The following DIAPH3 variants were observed in gnomAD, a reference collection of about 807,000 sequenced individuals.
DIAPH3 encodes diaphanous related formin 3.
A neutral mutation model predicts 144.3 loss-of-function variants in DIAPH3; 117 were observed. That is an observed-to-expected ratio of 0.81 (90% CI 0.70 to 0.95). The LOEUF is 0.95. Among genes scored for constraint, DIAPH3 ranks in the 40% least tolerant of loss-of-function variants. The pLI, the probability that DIAPH3 is intolerant of heterozygous loss-of-function variation, is 0.00. For synonymous variants in DIAPH3, 519 were observed against 488.9 expected (o/e 1.06, Z -0.81); for missense variants, 1,421 against 1,412.7 (o/e 1.01, Z -0.09).
chr13:60,119,719 C>T (rs1339920075), intron 2 of DIAPH3, among the ~76,000 whole-genome samples: 1 of 134,472 alleles, frequency 7.4e-6, no homozygotes, highest in Non-Finnish European at 1.5e-5. Context: ...TGCACTCCAG[C>T]CTGGGCGACA....
intron 4 of DIAPH3, among the ~76,000 whole-genome samples, chr13:60,082,378 T>A (rs575095230): frequency 6.8e-6 from 1 of 146,034 alleles, no homozygotes; most frequent in African/African-American, 2.5e-5. Context: ...AGCAAAAAAT[T>A]AGAACACATC....
intron 4 of DIAPH3, chr13:60,044,116 G>GTATCTATATACCTTCTA (rs1235232585): frequency 6.6e-6 from 1 of 152,138 alleles, no homozygotes; most frequent in Non-Finnish European, 1.5e-5. Context: ...TGTTGAGAAG[G>GTATCTATATACCTTCTA]TATCTATATA....
intron 27 of DIAPH3, among the ~76,000 whole-genome samples, chr13:59,715,419 C>T (rs2034996322): frequency 6.6e-6 from 1 of 152,154 alleles, no homozygotes; most frequent in Non-Finnish European, 1.5e-5. Flanking sequence ...AAAGAGATGA[C>T]TAGAAGGCAT....
intron 3 of DIAPH3, among the ~76,000 whole-genome samples, chr13:60,100,656 C>A (rs748307736): frequency 2.6e-5 from 4 of 151,688 alleles, no homozygotes; most frequent in Admixed American, 6.6e-5. Context: ...TTTTGCAATT[C>A]TTCTATAAGT....
chr13:60,073,960 G>T (rs1479253454), intron 4 of DIAPH3, among the ~76,000 whole-genome samples: 1 of 152,128 alleles, frequency 6.6e-6, no homozygotes, highest in African/African-American at 2.4e-5. Context: ...AGACAAAAAT[G>T]GTGTTCTCTG....
At chr13:59,813,932 T>C (rs569313304) in intron 24 of DIAPH3, among the ~76,000 whole-genome samples, 5 of 151,718 alleles carry the variant, frequency 3.3e-5, no homozygotes, top group African/African-American at 1.2e-4. Context: ...CAAGTGAGTA[T>C]ATCTGTATGT....
intron 27 of DIAPH3, among the ~76,000 whole-genome samples, chr13:59,764,757 GGA>G (rs1414787067): frequency 1.3e-5 from 2 of 151,870 alleles, no homozygotes; most frequent in African/African-American, 4.8e-5. Context: ...ACTAGAGCTA[GGA>G]GAGAGGCATG....
intron 14 of DIAPH3, 123 bp downstream of exon 14, chr13:59,980,672 A>C: frequency 2.3e-6 from 2 of 857,820 alleles, no homozygotes; most frequent in Non-Finnish European, 3.8e-6. Flanking sequence ...GGTGGAGGGC[A>C]TCTATGCACA....
chr13:60,139,034 C>G (rs927805156), intron 1 of DIAPH3, among the ~76,000 whole-genome samples: 53 of 152,240 alleles, frequency 3.5e-4, no homozygotes, highest in African/African-American at 1.3e-3. Context: ...TTTATCTTAA[C>G]GTCAACACCA....
chr13:60,034,350 T>G (rs906713885), intron 5 of DIAPH3: 15 of 151,558 alleles, frequency 9.9e-5, no homozygotes, highest in Non-Finnish European at 2.2e-4. Context: ...GTTTAATGAG[T>G]TTTTTTTTCC....
intron 15 of DIAPH3, among the ~76,000 whole-genome samples, chr13:59,971,796 T>C (rs541524583): frequency 6.6e-6 from 1 of 152,306 alleles, no homozygotes; most frequent in African/African-American, 2.4e-5. Flanking sequence ...TAATTCTGTG[T>C]ATGTGCCAAC....
chr13:60,026,160 C>T (rs543862784), intron 5 of DIAPH3, among the ~76,000 whole-genome samples: 1 of 152,210 alleles, frequency 6.6e-6, no homozygotes, highest in South Asian at 2.1e-4. Context: ...TATACATCCC[C>T]ACACACTGCT....
chr13:59,986,824 A>G (rs1261546242), intron 12 of DIAPH3, among the ~76,000 whole-genome samples: 2 of 150,536 alleles, frequency 1.3e-5, no homozygotes, highest in South Asian at 2.2e-4. Flanking sequence ...GTCAGGAAAC[A>G]ACAGGTGTTG....
chr13:59,861,324 G>GTA (rs1300988886), intron 22 of DIAPH3, 83 bp downstream of exon 22: 15 of 1,606,226 alleles, frequency 9.3e-6, no homozygotes, highest in Admixed American at 1.7e-5. Context: ...AAAGTGGAAA[G>GTA]TACATACAAA....
chr13:60,055,118 C>T (rs1337939366), intron 4 of DIAPH3, among the ~76,000 whole-genome samples: 1 of 151,748 alleles, frequency 6.6e-6, no homozygotes, highest in East Asian at 1.9e-4. Context: ...CATTAAAAAG[C>T]TTAAAATTAC....
At chr13:60,082,519 GACA>G (rs1256321962) in intron 4 of DIAPH3, among the ~76,000 whole-genome samples, 1 of 150,612 alleles carries the variant, frequency 6.6e-6, no homozygotes, top group Non-Finnish European at 1.5e-5. Context: ...CTGACCTTTT[GACA>G]ACAATGCCAT....
chr13:59,675,480 G>C (rs1381163077), intron 27 of DIAPH3, among the ~76,000 whole-genome samples: 1 of 151,822 alleles, frequency 6.6e-6, no homozygotes. Flanking sequence ...CGCCTCCCGG[G>C]TTCATGCCAT....
intron 21 of DIAPH3, among the ~76,000 whole-genome samples, chr13:59,869,242 C>T (rs79505027): frequency 0.034 from 5,242 of 152,264 alleles, 115 homozygotes; most frequent in Non-Finnish European, 0.049. Flanking sequence ...TTTAGCAATG[C>T]CAGTACATAT....
chr13:59,965,791 A>C (rs2050012818), intron 17 of DIAPH3, among the ~76,000 whole-genome samples: 1 of 152,142 alleles, frequency 6.6e-6, no homozygotes, highest in Non-Finnish European at 1.5e-5. Context: ...GGAATGTAAA[A>C]GCAACATGAG....
Sources: gnomAD v4.1 joint callset for allele counts (sites outside exome capture counted in the v4.1 genomes callset) on GRCh38, gnomAD v4.1.1 for gene constraint, MANE v1.5 for transcripts, NCBI Gene and HGNC (gene_info 2026-07-23, HGNC 2026-07-21) for gene names.